ST6GAL1: variants seen among roughly 807,000 people sequenced by gnomAD.
The protein encoded by ST6GAL1 is ST6 beta-galactoside alpha-2,6-sialyltransferase 1.
Under a neutral mutation model 38.0 loss-of-function variants are expected in ST6GAL1, and 20 were observed. The observed-to-expected ratio is 0.53, with a 90% CI of 0.37 to 0.77. The LOEUF is 0.77. ST6GAL1 is among the 30% of genes least tolerant of loss of function. ST6GAL1 has a pLI of 0.00. For synonymous variants in ST6GAL1, 196 were observed against 188.2 expected (o/e 1.04, Z -0.34); for missense variants, 432 against 496.4 (o/e 0.87, Z 1.23).
chr3:186,932,731 G>A (rs575438286), intron 1 of ST6GAL1, among the ~76,000 whole-genome samples: 3 of 147,834 alleles, frequency 2.0e-5, no homozygotes, highest in Admixed American at 6.9e-5. Flanking sequence ...GGAGAACAAA[G>A]CATTGTTTTC....
intron 2 of ST6GAL1, among the ~76,000 whole-genome samples, chr3:187,020,168 G>A (rs552832285): frequency 2.0e-4 from 31 of 152,180 alleles, no homozygotes; most frequent in African/African-American, 7.5e-4. Flanking sequence ...GTGGTGGCGG[G>A]TGCCTGTAAT....
At position 187,078,370 on chromosome 3, in the gene ST6GAL1, T is replaced by C. The variant is rs2108455206; in HGVS notation, c.*2567T>C. 1 of 152,320 alleles carries C rather than the reference T, an allele frequency of 6.6e-6. No homozygotes were observed. Among genetic ancestry groups the C allele is most frequent in the East Asian group, 1.9e-4 (1 of 5,182 alleles). 9.4% of individuals were successfully genotyped at this position (152,320 alleles called of 1,614,324 possible). On this transcript the variant is annotated 3_prime_UTR_variant, in exon 8 of 8. Coordinates refer to ENST00000169298, the MANE Select transcript of ST6GAL1 (RefSeq NM_173216.2). Reference sequence around the variant, plus strand: ...AATGCTGCCTGTGTCTATGGGGTTCTGTCTTCTTTGATAGCCATCTATTCA... The same window carrying C: ...AATGCTGCCTGTGTCTATGGGGTTCCGTCTTCTTTGATAGCCATCTATTCA...
intron 2 of ST6GAL1, among the ~76,000 whole-genome samples, chr3:187,013,809 TC>T (rs1316549897): frequency 6.6e-6 from 1 of 152,174 alleles, no homozygotes; most frequent in African/African-American, 2.4e-5. Context: ...GGTCTCTGAC[TC>T]CCGACCTCAG....
At chr3:186,946,514 G>A (rs927216967) in intron 1 of ST6GAL1, among the ~76,000 whole-genome samples, 51 of 152,036 alleles carry the variant, frequency 3.4e-4, no homozygotes, top group African/African-American at 1.2e-3. Flanking sequence ...GAAAGTGTTG[G>A]GATTACAGGT....
chr3:186,932,832 A>G (rs1181405493), intron 1 of ST6GAL1, among the ~76,000 whole-genome samples: 1 of 152,238 alleles, frequency 6.6e-6, no homozygotes, highest in Non-Finnish European at 1.5e-5. Context: ...AGGAAAACCA[A>G]AAAAACACTG....
At chr3:187,003,324 G>GCAATC (rs1340420133) in intron 2 of ST6GAL1, among the ~76,000 whole-genome samples, 1 of 152,118 alleles carries the variant, frequency 6.6e-6, no homozygotes, top group Non-Finnish European at 1.5e-5. Context: ...TAGAGAGGGG[G>GCAATC]CAATCTGCTG....
At chr3:187,012,083 G>T (rs1279819808) in intron 2 of ST6GAL1, among the ~76,000 whole-genome samples, 2 of 151,942 alleles carry the variant, frequency 1.3e-5, no homozygotes, top group Non-Finnish European at 1.5e-5. Flanking sequence ...CTCACTGTTT[G>T]CCCAGGCTCC....
chr3:186,934,886 C>T (rs972528666), intron 1 of ST6GAL1, among the ~76,000 whole-genome samples: 1 of 152,052 alleles, frequency 6.6e-6, no homozygotes, highest in Non-Finnish European at 1.5e-5. Context: ...CCTGCCTCAG[C>T]CTCCCGAGTA....
intron 1 of ST6GAL1, among the ~76,000 whole-genome samples, chr3:186,934,185 A>T (rs1713857748): frequency 6.6e-6 from 1 of 152,180 alleles, no homozygotes; most frequent in Admixed American, 6.5e-5. Context: ...GGAGCGGAAG[A>T]TGCTCAGGCC....
chr3:186,981,752 C>A (rs1335162188), intron 2 of ST6GAL1, among the ~76,000 whole-genome samples: 1 of 152,180 alleles, frequency 6.6e-6, no homozygotes, highest in Non-Finnish European at 1.5e-5. Context: ...GTCCATTGAC[C>A]TATTTCCAAC....
Position 187,014,511 on chromosome 3 carries a change from G to A in ST6GAL1, c.-182-24231G>A, listed in dbSNP as rs183610558. ...CCAGCACTGGGGTGAGGTGTGGGGA[G>A]GGCAGGCAGCCCAGGGGCAGCTCTG... On this transcript the variant is annotated intron_variant, in intron 2 of 7. Coordinates refer to ENST00000169298, the MANE Select transcript of ST6GAL1 (RefSeq NM_173216.2). 2.8e-3 allele frequency among the ~76,000 whole-genome samples: 434 copies of A among 152,356 alleles called. 4 individuals are homozygous for A. Among genetic ancestry groups the A allele is most frequent in the African/African-American group, 1.0e-2 (415 of 41,594 alleles).
Position 186,933,127 on chromosome 3 carries a change from A to G in ST6GAL1, c.-325+2293A>G, listed in dbSNP as rs534896157. Among the ~76,000 whole-genome samples, 3 of 152,246 alleles carry G rather than the reference A, an allele frequency of 2.0e-5. No individual in the cohort carries two copies. In the East Asian group the frequency reaches 5.8e-4, roughly 29 times the overall value. ...GTGCTTTCCCCTAATTGATTCCTAC[A>G]TTTCGCCTGTTTTACATATACCCAC... On this transcript the variant is annotated intron_variant, in intron 1 of 7. Transcript: ENST00000169298.
chr3:186,977,161 G>A (rs897560111), intron 2 of ST6GAL1, among the ~76,000 whole-genome samples: 9 of 152,170 alleles, frequency 5.9e-5, no homozygotes, highest in Non-Finnish European at 4.4e-5. Context: ...CTGCTTCCGG[G>A]GGTCTCTGAA....
At chr3:187,001,367 G>A (rs1016818510) in intron 2 of ST6GAL1, among the ~76,000 whole-genome samples, 1 of 152,204 alleles carries the variant, frequency 6.6e-6, no homozygotes, top group Non-Finnish European at 1.5e-5. Flanking sequence ...TCAGGTGACA[G>A]CAATGTCTCC....
At chr3:186,949,529 AC>A (rs1176491118) in intron 1 of ST6GAL1, among the ~76,000 whole-genome samples, 1 of 152,054 alleles carries the variant, frequency 6.6e-6, no homozygotes, top group Non-Finnish European at 1.5e-5. Flanking sequence ...AGGGGAAAAA[AC>A]TGGCCAGGAG....
chr3:187,068,186 C>A lies in ST6GAL1; in HGVS notation c.706-4663C>A, dbSNP rs532533718. Reference sequence around the variant, plus strand: ...TGAAACCCCATCTCTACTAAAAATACAAAAAATTAGCTGGGTGTGGTGGCA... The same window carrying A: ...TGAAACCCCATCTCTACTAAAAATAAAAAAAATTAGCTGGGTGTGGTGGCA... On this transcript the variant is annotated intron_variant, in intron 5 of 7. Transcript: ENST00000169298. 2.0e-5 allele frequency among the ~76,000 whole-genome samples: 3 copies of A among 151,956 alleles called. No homozygotes were observed. The East Asian group carries it at 5.8e-4, about 29-fold the overall frequency.
chr3:186,944,242 G>T (rs1246928295), intron 1 of ST6GAL1, among the ~76,000 whole-genome samples: 2 of 152,206 alleles, frequency 1.3e-5, no homozygotes, highest in Non-Finnish European at 2.9e-5. Flanking sequence ...GAATCCTTTA[G>T]TTTGGAGAAA....
At chr3:187,026,605 A>G (rs978268107) in intron 2 of ST6GAL1, among the ~76,000 whole-genome samples, 3 of 152,252 alleles carry the variant, frequency 2.0e-5, no homozygotes, top group Admixed American at 6.5e-5. Context: ...GATAACTTAC[A>G]GTACAAAAGC....
chr3:187,066,014 T>C (rs1719102966), intron 5 of ST6GAL1, among the ~76,000 whole-genome samples: 1 of 152,094 alleles, frequency 6.6e-6, no homozygotes, highest in African/African-American at 2.4e-5. Context: ...TCACCAAAGC[T>C]TTCTGGAAGC....
Sources: allele counts gnomAD v4.1 joint callset (sites outside exome capture counted in the v4.1 genomes callset), GRCh38; gene constraint gnomAD v4.1.1; transcripts MANE v1.5; gene names NCBI Gene and HGNC (gene_info 2026-07-23, HGNC 2026-07-21).